XRN2: variants seen among roughly 807,000 people sequenced by gnomAD.
XRN2 encodes DHM1-like protein.
Under a neutral mutation model 138.5 loss-of-function variants are expected in XRN2, and 44 were observed. The ratio of observed to expected loss-of-function variants is 0.32; its 90% CI spans 0.25 to 0.41. The LOEUF is 0.41. XRN2 is among the 10% of genes least tolerant of loss of function. XRN2 has a pLI of 1.00. For missense variants in XRN2, 937 were observed against 1,169.3 expected (o/e 0.80, Z 2.90); for synonymous variants, 354 against 369.4 (o/e 0.96, Z 0.48).
At chr20:21,384,551 C>G (rs2038918037) in intron 28 of XRN2, among the ~76,000 whole-genome samples, 1 of 152,182 alleles carries the variant, frequency 6.6e-6, no homozygotes, top group Admixed American at 6.5e-5. Flanking sequence ...AGTGTAATGT[C>G]ATGATCTTGG....
At chr20:21,340,476 T>TAA (rs2038356770) in intron 14 of XRN2, among the ~76,000 whole-genome samples, 1 of 152,258 alleles carries the variant, frequency 6.6e-6, no homozygotes, top group Admixed American at 6.5e-5. Flanking sequence ...TGTTTCAGTA[T>TAA]AATGTATTAT....
At chr20:21,349,928 G>A (rs1224247327) in intron 20 of XRN2, among the ~76,000 whole-genome samples, 1 of 152,086 alleles carries the variant, frequency 6.6e-6, no homozygotes, top group Admixed American at 6.6e-5. Flanking sequence ...TGTTTCCTTT[G>A]TGATTAATTA....
In XRN2 at chr20:21,333,947, A is replaced by G. The variant is rs368260106; in HGVS notation, c.1078A>G (p.Ile360Val). ...GTCTCTTGCTGACAGGGAAAATGCA[A>G]TTGACCGTTTGGTTAACATATACAA... The part of the protein sequence containing the change: ...LPSLEIRENA[I>V]DRLVNIYKNV... Residue 360 changes from isoleucine (I) to valine (V), a missense_variant, in exon 12 of 30, where the codon ATT (isoleucine) becomes GTT (valine). Around this residue, in one of 6 missense-constraint regions of XRN2, gnomAD observed 471 missense variants for 581.2 expected, o/e 0.81. Coordinates refer to ENST00000377191, the MANE Select transcript of XRN2 (RefSeq NM_012255.5). 1.5e-5 allele frequency: 25 copies of G among 1,614,024 alleles called. No individual in the cohort carries two copies. The highest frequency in any genetic ancestry group is 2.7e-5 in the African/African-American group (2 of 74,946).
Position 21,328,438 on chromosome 20 carries a change from A to G in XRN2, c.316-121A>G, listed in dbSNP as rs111793521. On this transcript the variant is annotated intron_variant, in intron 3 of 29. Transcript: ENST00000377191. ...CTGTCATGAAAGGATTATTAGACAC[A>G]TTACTTACCTTTCTTCCATTTTAGT... 1.8e-4 allele frequency: 168 copies of G among 958,356 alleles called. 1 individual carries two copies. The highest frequency in any genetic ancestry group is 1.3e-3 in the South Asian group (77 of 58,194). The allele number at this position is 958,356 out of a possible 1,614,324, so 59.4% of individuals were successfully genotyped here.
intron 24 of XRN2, among the ~76,000 whole-genome samples, chr20:21,363,823 G>A (rs2038664294): frequency 6.6e-6 from 1 of 152,104 alleles, no homozygotes; most frequent in Non-Finnish European, 1.5e-5. Context: ...TATGTTAAAG[G>A]AAACAAGTTA....
chr20:21,348,568 A>T, intron 19 of XRN2, 138 bp downstream of exon 19: 2 of 765,536 alleles, frequency 2.6e-6, no homozygotes. Context: ...AAACACACAT[A>T]TATTTCCTGC....
chr20:21,369,618 T>G (rs566953045), intron 27 of XRN2, among the ~76,000 whole-genome samples: 51 of 152,380 alleles, frequency 3.3e-4, no homozygotes, highest in African/African-American at 1.2e-3. Flanking sequence ...TCTCTGATCA[T>G]CAGTGATGTT....
chr20:21,335,634 G>A (rs1485955754), intron 13 of XRN2, among the ~76,000 whole-genome samples: 5 of 152,232 alleles, frequency 3.3e-5, no homozygotes, highest in African/African-American at 1.2e-4. Context: ...TGGAAGATCA[G>A]ATGTCAATTG....
intron 27 of XRN2, among the ~76,000 whole-genome samples, chr20:21,376,762 T>C (rs2038827325): frequency 6.6e-6 from 1 of 152,164 alleles, no homozygotes; most frequent in Non-Finnish European, 1.5e-5. Flanking sequence ...GCCTGGGTGC[T>C]TACTGAGGCC....
chr20:21,362,507 G>A (rs2038648966), intron 24 of XRN2, among the ~76,000 whole-genome samples: 2 of 152,204 alleles, frequency 1.3e-5, no homozygotes, highest in Non-Finnish European at 2.9e-5. Context: ...GATGTGTGTC[G>A]AAGACTGTTG....
intron 27 of XRN2, among the ~76,000 whole-genome samples, chr20:21,376,271 G>A (rs567058277): frequency 1.3e-5 from 2 of 152,132 alleles, no homozygotes. Context: ...GAGAGGATTG[G>A]TTGAGCCCCG....
At chr20:21,331,676 A>T (rs921489652) in intron 7 of XRN2, 43 bp downstream of exon 7, 13 of 1,599,716 alleles carry the variant, frequency 8.1e-6, no homozygotes, top group Non-Finnish European at 9.4e-6. Context: ...TTCTATTTTT[A>T]AAAAGCCATT....
chr20:21,366,182 A>G (rs1361207274), intron 26 of XRN2, among the ~76,000 whole-genome samples: 2 of 127,496 alleles, frequency 1.6e-5, no homozygotes, highest in African/African-American at 3.0e-5. Context: ...ATATATAAAT[A>G]TATATTATAT....
At chr20:21,305,443 C>CG (rs2037803002) in intron 1 of XRN2, among the ~76,000 whole-genome samples, 1 of 149,854 alleles carries the variant, frequency 6.7e-6, no homozygotes. Flanking sequence ...TTAGTAGAGA[C>CG]GGAGTTTTGC....
intron 24 of XRN2, among the ~76,000 whole-genome samples, chr20:21,358,312 AC>A (rs1348482384): frequency 1.3e-5 from 2 of 152,198 alleles, no homozygotes; most frequent in Admixed American, 1.3e-4. Context: ...TCTCTGGAAA[AC>A]TAATTTATAT....
intron 7 of XRN2, 47 bp from the exon 8 acceptor site, chr20:21,331,721 G>A (rs1194067552): frequency 7.6e-6 from 12 of 1,589,174 alleles, no homozygotes; most frequent in Middle Eastern, 3.4e-4. Flanking sequence ...TGATATTCTT[G>A]TGGTATATAA....
chr20:21,370,230 C>T (rs572798110), intron 27 of XRN2, among the ~76,000 whole-genome samples: 10 of 152,124 alleles, frequency 6.6e-5, no homozygotes, highest in African/African-American at 1.9e-4. Flanking sequence ...GTTTTGATGC[C>T]GGTACCATAC....
At chr20:21,383,036 T>C (rs1170377317) in intron 28 of XRN2, among the ~76,000 whole-genome samples, 2 of 152,206 alleles carry the variant, frequency 1.3e-5, no homozygotes, top group African/African-American at 4.8e-5. Context: ...TAAATGCAGC[T>C]TCCCTTTTAA....
At chr20:21,348,055 A>G (rs2038459989) in intron 17 of XRN2, 91 bp from the exon 18 acceptor site, 7 of 1,015,832 alleles carry the variant, frequency 6.9e-6, no homozygotes, top group Middle Eastern at 2.3e-4. Flanking sequence ...GTAGAATATT[A>G]TAGGTTAACA....
Sources: gnomAD v4.1 joint callset for allele counts (sites outside exome capture counted in the v4.1 genomes callset) on GRCh38, gnomAD v4.1.1 for gene constraint, gnomAD v4.1.1 regional missense constraint, MANE v1.5 for transcripts, NCBI Gene and HGNC (gene_info 2026-07-23, HGNC 2026-07-21) for gene names.